The following FGF12 variants were observed in gnomAD, a reference collection of about 807,000 sequenced individuals.
FGF12 encodes fibroblast growth factor 12B.
FGF12 carries 14 observed loss-of-function variants against 23.6 expected under a neutral mutation model. The observed-to-expected ratio is 0.59, with a 90% CI of 0.39 to 0.93. The LOEUF (loss-of-function observed/expected upper bound fraction) is 0.93, where lower values mean the gene tolerates loss of function less well. Among genes scored for constraint, FGF12 ranks in the 40% least tolerant of loss-of-function variants. FGF12 has a pLI of 0.00. For synonymous variants in FGF12, 62 were observed against 77.3 expected, an observed-to-expected ratio of 0.80 and a Z score of 1.04; for missense variants, 175 against 217.8, an observed-to-expected ratio of 0.80 and a Z score of 1.24.
chr3:192,429,229 C>T (rs143670782), intron 2 of FGF12, among the ~76,000 whole-genome samples: 5 of 152,216 alleles, frequency 3.3e-5, no homozygotes, highest in African/African-American at 4.8e-5. Flanking sequence ...TTATAACAGC[C>T]CTCGCAGATT....
chr3:192,443,361 T>C (rs1462319198), intron 2 of FGF12, among the ~76,000 whole-genome samples: 1 of 152,224 alleles, frequency 6.6e-6, no homozygotes, highest in Non-Finnish European at 1.5e-5. Context: ...TATTCTTTTC[T>C]GCTCTTACAT....
At chr3:192,629,564 T>A (rs778957854) in intron 2 of FGF12, among the ~76,000 whole-genome samples, 1 of 152,228 alleles carries the variant, frequency 6.6e-6, no homozygotes, top group Non-Finnish European at 1.5e-5. Context: ...CTGCTGGGGC[T>A]GAGTAAGCAA....
intron 2 of FGF12, among the ~76,000 whole-genome samples, chr3:192,705,327 A>C (rs531013044): frequency 1.3e-5 from 2 of 152,298 alleles, no homozygotes; most frequent in Admixed American, 6.5e-5. Context: ...AATTGGCTTA[A>C]TTTTAATATC....
At chr3:192,422,513 C>A (rs967146012) in intron 2 of FGF12, among the ~76,000 whole-genome samples, 2 of 152,100 alleles carry the variant, frequency 1.3e-5, no homozygotes, top group African/African-American at 4.8e-5. Flanking sequence ...TTCCCTCAGT[C>A]CCCAGAAGAA....
intron 2 of FGF12, among the ~76,000 whole-genome samples, chr3:192,418,889 C>A (rs1721436364): frequency 6.6e-6 from 1 of 152,168 alleles, no homozygotes; most frequent in Non-Finnish European, 1.5e-5. Flanking sequence ...CAGTCTCAGG[C>A]AGTTCTTTAT....
In FGF12 at chr3:192,475,937, T is replaced by TGATAGATAGATAGATAGATA. The variant is rs111672806; in HGVS notation, c.14-115419_14-115400dup. 1.5e-3 allele frequency among the ~76,000 whole-genome samples: 234 copies of TGATAGATAGATAGATAGATA among 151,994 alleles called. 2 individuals carry two copies. The highest frequency in any genetic ancestry group is 5.3e-3 in the African/African-American group (220 of 41,344). ...ATAGATGATAGATGATATAGATAGA[T>TGATAGATAGATAGATAGATA]GATAGATAGATAGATAGATAATGAT... is the stretch of plus-strand genomic sequence containing the variant. On this transcript the variant is annotated intron_variant, in intron 2 of 5. Transcript: ENST00000445105.
chr3:192,564,582 T>C (rs189621567), intron 2 of FGF12, among the ~76,000 whole-genome samples: 1 of 152,292 alleles, frequency 6.6e-6, no homozygotes, highest in Admixed American at 6.5e-5. Context: ...AGCTTTAAAA[T>C]ACTTGGTCTT....
chr3:192,313,473 G>A (rs1337250972), intron 4 of FGF12, among the ~76,000 whole-genome samples: 1 of 152,150 alleles, frequency 6.6e-6, no homozygotes, highest in African/African-American at 2.4e-5. Flanking sequence ...AAGAATAAAG[G>A]TTGAAGTAGT....
At chr3:192,665,005 G>A (rs556868132) in intron 2 of FGF12, among the ~76,000 whole-genome samples, 79 of 152,268 alleles carry the variant, frequency 5.2e-4, no homozygotes, top group Middle Eastern at 3.4e-3. Flanking sequence ...CTCATCTGGC[G>A]TTCAGTAAGA....
At chr3:192,214,055 G>A (rs1367305677) in intron 4 of FGF12, among the ~76,000 whole-genome samples, 1 of 152,142 alleles carries the variant, frequency 6.6e-6, no homozygotes, top group African/African-American at 2.4e-5. Flanking sequence ...TATAACGCTC[G>A]TTACTAGAAT....
chr3:192,479,821 C>T (rs915739884), intron 2 of FGF12, among the ~76,000 whole-genome samples: 7 of 152,066 alleles, frequency 4.6e-5, no homozygotes, highest in East Asian at 1.9e-4. Flanking sequence ...AAAATTATTA[C>T]GGTAACATGA....
chr3:192,604,271 A>G (rs1362673897), intron 2 of FGF12, among the ~76,000 whole-genome samples: 1 of 152,222 alleles, frequency 6.6e-6, no homozygotes, highest in African/African-American at 2.4e-5. Context: ...CAATTTGTAC[A>G]GTTAACACAA....
chr3:192,307,353 T>C (rs752845307), intron 4 of FGF12, among the ~76,000 whole-genome samples: 1 of 152,210 alleles, frequency 6.6e-6, no homozygotes, highest in Non-Finnish European at 1.5e-5. Flanking sequence ...ACCTCCAGGG[T>C]ACGCTTTAGG....
chr3:192,537,496 T>G (rs766911249), intron 2 of FGF12, among the ~76,000 whole-genome samples: 5 of 152,180 alleles, frequency 3.3e-5, no homozygotes, highest in Admixed American at 2.0e-4. Context: ...AAAATCATTT[T>G]AACTGGGGTG....
chr3:192,576,912 G>C (rs1712920996), intron 2 of FGF12, among the ~76,000 whole-genome samples: 1 of 152,150 alleles, frequency 6.6e-6, no homozygotes, highest in Non-Finnish European at 1.5e-5. Context: ...TGCAGGGACA[G>C]GGGATGAAGC....
chr3:192,378,025 C>CTTTTCTTTCTTTCTTTCTT (rs1719605197), intron 2 of FGF12, among the ~76,000 whole-genome samples: 1 of 74,506 alleles, frequency 1.3e-5, no homozygotes, highest in East Asian at 4.5e-4. Context: ...CTGACTCTTT[C>CTTTTCTTTCTTTCTTTCTT]TTTTCTTTCT....
chr3:192,654,694 C>T (rs1006694572), intron 2 of FGF12, among the ~76,000 whole-genome samples: 4 of 152,216 alleles, frequency 2.6e-5, no homozygotes, highest in African/African-American at 7.2e-5. Flanking sequence ...AGAGAGGCTT[C>T]TTGAACGTAG....
At chr3:192,298,621 AT>A (rs1055197977) in intron 4 of FGF12, among the ~76,000 whole-genome samples, 3 of 152,108 alleles carry the variant, frequency 2.0e-5, no homozygotes, top group African/African-American at 7.2e-5. Flanking sequence ...GGTGTGGTGC[AT>A]GTCTGTAATC....
chr3:192,468,454 T>A (rs1361647446), intron 2 of FGF12, among the ~76,000 whole-genome samples: 2 of 152,222 alleles, frequency 1.3e-5, no homozygotes, highest in Non-Finnish European at 2.9e-5. Context: ...TTTCATAATC[T>A]TGACACTTCT....
Sources: allele counts gnomAD v4.1 joint callset (sites outside exome capture counted in the v4.1 genomes callset), GRCh38; gene constraint gnomAD v4.1.1; transcripts MANE v1.5; gene names NCBI Gene and HGNC (gene_info 2026-07-23, HGNC 2026-07-21).